TMEM132D: variants seen among roughly 807,000 people sequenced by gnomAD.
The protein encoded by TMEM132D is mature OL transmembrane protein.
A neutral mutation model predicts 62.3 loss-of-function variants in TMEM132D; 21 were observed. The ratio of observed to expected loss-of-function variants is 0.34; its 90% CI spans 0.24 to 0.49. The LOEUF (loss-of-function observed/expected upper bound fraction) is 0.49. Among genes scored for constraint, TMEM132D ranks in the 20% least tolerant of loss-of-function variants. The pLI, the probability that TMEM132D is intolerant of heterozygous loss-of-function variation, is 0.99. For missense variants in TMEM132D, 1,346 were observed against 1,402.8 expected, an observed-to-expected ratio of 0.96 and a Z score of 0.65; for synonymous variants, 621 against 575.6, an observed-to-expected ratio of 1.08 and a Z score of -1.13.
intron 3 of TMEM132D, among the ~76,000 whole-genome samples, chr12:129,477,841 T>C (rs528874584): frequency 2.0e-5 from 3 of 151,400 alleles, no homozygotes; most frequent in African/African-American, 7.3e-5. Context: ...TAAAATAAAA[T>C]AGACACATAC....
At chr12:129,556,451 G>C (rs1049259191) in intron 2 of TMEM132D, among the ~76,000 whole-genome samples, 2 of 151,470 alleles carry the variant, frequency 1.3e-5, no homozygotes, top group Non-Finnish European at 2.9e-5. Context: ...GTCTTCCCCT[G>C]GCAATGGGGT....
At chr12:129,105,286 C>T (rs1301057348) in intron 5 of TMEM132D, among the ~76,000 whole-genome samples, 3 of 145,070 alleles carry the variant, frequency 2.1e-5, no homozygotes, top group African/African-American at 8.0e-5. Context: ...AGTAAACTAT[C>T]GTAAGAACAA....
intron 2 of TMEM132D, among the ~76,000 whole-genome samples, chr12:129,623,786 T>G (rs1384795053): frequency 6.6e-6 from 1 of 151,042 alleles, no homozygotes; most frequent in East Asian, 1.9e-4. Flanking sequence ...TATATATATA[T>G]TCCACATTTT....
At chr12:129,357,569 G>T (rs1870111174) in intron 3 of TMEM132D, among the ~76,000 whole-genome samples, 1 of 151,578 alleles carries the variant, frequency 6.6e-6, no homozygotes. Flanking sequence ...AGAAAGGAAA[G>T]AATGCAAGGA....
chr12:129,617,988 G>A (rs78639640), intron 2 of TMEM132D, among the ~76,000 whole-genome samples: 4,111 of 152,222 alleles, frequency 0.027, 84 homozygotes, highest in Middle Eastern at 0.075. Flanking sequence ...CTGTGGCCTC[G>A]ACATCGGCAC....
chr12:129,773,945 T>C (rs1171109894), intron 1 of TMEM132D, among the ~76,000 whole-genome samples: 1 of 152,156 alleles, frequency 6.6e-6, no homozygotes. Flanking sequence ...GGTTACTAAA[T>C]GAGACAATGC....
chr12:129,596,769 TG>T (rs940109255), intron 2 of TMEM132D, among the ~76,000 whole-genome samples: 2 of 151,872 alleles, frequency 1.3e-5, no homozygotes, highest in African/African-American at 4.8e-5. Flanking sequence ...ATTCGAATGG[TG>T]TTTTTTTTTT....
chr12:129,267,725 A>T (rs1593317050), intron 4 of TMEM132D, among the ~76,000 whole-genome samples: 1 of 152,198 alleles, frequency 6.6e-6, no homozygotes. Flanking sequence ...CGCATTGCCA[A>T]GTCAATCCTA....
At chr12:129,102,334 G>GCA in intron 5 of TMEM132D, among the ~76,000 whole-genome samples, 1 of 149,684 alleles carries the variant, frequency 6.7e-6, no homozygotes, top group African/African-American at 2.5e-5. Flanking sequence ...ACTTACACAT[G>GCA]CACACACATG....
intron 1 of TMEM132D, among the ~76,000 whole-genome samples, chr12:129,793,642 A>G (rs1440351432): frequency 1.3e-5 from 2 of 152,258 alleles, no homozygotes; most frequent in Non-Finnish European, 2.9e-5. Context: ...TTGGGATGAC[A>G]GGCGTGGGCC....
chr12:129,264,853 G>C (rs1334575133), intron 4 of TMEM132D, among the ~76,000 whole-genome samples: 1 of 152,150 alleles, frequency 6.6e-6, no homozygotes, highest in African/African-American at 2.4e-5. Context: ...CTGATATGTG[G>C]GAGCTAAGCT....
intron 8 of TMEM132D, among the ~76,000 whole-genome samples, chr12:129,075,896 A>G (rs1032672124): frequency 2.6e-5 from 4 of 152,210 alleles, no homozygotes; most frequent in African/African-American, 7.2e-5. Context: ...TATGCTTGAC[A>G]GCAGTGGCAG....
chr12:129,609,560 T>A (rs1344831370), intron 2 of TMEM132D, among the ~76,000 whole-genome samples: 1 of 152,132 alleles, frequency 6.6e-6, no homozygotes, highest in Non-Finnish European at 1.5e-5. Flanking sequence ...GATCAAATCT[T>A]GATCAAACCA....
At chr12:129,753,009 T>C (rs1476813156) in intron 1 of TMEM132D, among the ~76,000 whole-genome samples, 1 of 152,228 alleles carries the variant, frequency 6.6e-6, no homozygotes, top group Non-Finnish European at 1.5e-5. Context: ...AGATGTCCTC[T>C]GCCCTGTGCA....
chr12:129,172,919 G>C (rs115506241), intron 5 of TMEM132D, among the ~76,000 whole-genome samples: 1 of 152,128 alleles, frequency 6.6e-6, no homozygotes, highest in African/African-American at 2.4e-5. Flanking sequence ...AGGCAGGCCC[G>C]AGGAGAGGGA....
chr12:129,776,187 G>C (rs892825680), intron 1 of TMEM132D, among the ~76,000 whole-genome samples: 2 of 151,952 alleles, frequency 1.3e-5, no homozygotes, highest in African/African-American at 4.8e-5. Flanking sequence ...GGTAATCCTG[G>C]GCTGTAAATG....
intron 2 of TMEM132D, among the ~76,000 whole-genome samples, chr12:129,581,251 C>A (rs542031985): frequency 6.6e-6 from 1 of 152,320 alleles, no homozygotes; most frequent in South Asian, 2.1e-4. Flanking sequence ...AAGTCCTCAC[C>A]AGAAGCAGAC....
At chr12:129,127,289 T>C (rs553821970) in intron 5 of TMEM132D, among the ~76,000 whole-genome samples, 1 of 152,312 alleles carries the variant, frequency 6.6e-6, no homozygotes, top group African/African-American at 2.4e-5. Flanking sequence ...TGTGGAACAT[T>C]GCGCAAACAA....
chr12:129,397,449 T>C (rs201911896), intron 3 of TMEM132D, among the ~76,000 whole-genome samples: 1 of 152,112 alleles, frequency 6.6e-6, no homozygotes, highest in South Asian at 2.1e-4. Context: ...ACGAACACCG[T>C]AAAACTACAT....
Sources: allele counts gnomAD v4.1 joint callset (sites outside exome capture counted in the v4.1 genomes callset), GRCh38; gene constraint gnomAD v4.1.1; transcripts MANE v1.5; gene names NCBI Gene and HGNC (gene_info 2026-07-23, HGNC 2026-07-21).